Variants in SMAD9 observed in about 807,000 individuals in gnomAD.
The protein encoded by SMAD9 is MAD homolog 9.
SMAD9 carries 36 observed loss-of-function variants against 46.1 expected under a neutral mutation model. That is an observed-to-expected ratio of 0.78 (90% CI 0.60 to 1.03). SMAD9 has a LOEUF of 1.03. Ranked by LOEUF, SMAD9 falls within the 50% of genes least tolerant of loss-of-function variation. The probability of loss-of-function intolerance (pLI) is 0.00; values close to 1 mark genes in which losing one functional copy is unlikely to be tolerated. For synonymous variants in SMAD9, 245 were observed against 237.1 expected, an observed-to-expected ratio of 1.03 and a Z score of -0.31; for missense variants, 572 against 599.8, an observed-to-expected ratio of 0.95 and a Z score of 0.48.
At chr13:36,882,372 A>G (rs2058411921) in intron 1 of SMAD9, among the ~76,000 whole-genome samples, 1 of 152,110 alleles carries the variant, frequency 6.6e-6, no homozygotes, top group East Asian at 1.9e-4. Flanking sequence ...TTTTTCTTCA[A>G]ACTGTCTGTC....
intron 1 of SMAD9, among the ~76,000 whole-genome samples, chr13:36,883,783 A>G (rs924127953): frequency 5.9e-5 from 9 of 152,194 alleles, no homozygotes; most frequent in African/African-American, 1.7e-4. Flanking sequence ...AAATAAAAAT[A>G]TAAACTGTGG....
chr13:36,851,728 T>C (rs1295640572), intron 6 of SMAD9: 8 of 962,036 alleles, frequency 8.3e-6, no homozygotes, highest in African/African-American at 3.5e-5. Context: ...TCTCAAATGT[T>C]AAAAAAAAAT....
Position 36,879,712 on chromosome 13 carries a change from C to A in SMAD9, c.-23G>T. On this transcript the variant is annotated 5_prime_UTR_variant, in exon 2 of 7. Transcript: ENST00000379826. ...CATAAGAGGCCACAGCAGGCTCCGG[C>A]GCGCACGGGAACCGCACAGCCCTTC... 3.1e-6 allele frequency: 5 copies of A among 1,612,856 alleles called. No individual in the cohort carries two copies.
At position 36,916,700 on chromosome 13, in the gene SMAD9, T is replaced by A. The variant is rs112125943; in HGVS notation, c.-187+3416A>T. On this transcript the variant is annotated intron_variant, in intron 1 of 6. Transcript: ENST00000379826. The stretch of plus-strand genomic sequence containing the variant: ...GGATGGTCTGAGGGGAAGAAATAAA[T>A]TAGTCTATGAGTAACTTAATACAAA... Among the ~76,000 whole-genome samples the A allele has an allele frequency of 1.9e-3, 293 of 151,980 alleles. 1 individual carries two copies. Among genetic ancestry groups the A allele is most frequent in the Non-Finnish European group, 3.7e-3 (249 of 67,980 alleles).
Position 36,879,407 on chromosome 13 carries a change from C to T in SMAD9, c.283G>A (p.Val95Met), listed in dbSNP as rs370858678. 3.7e-6 allele frequency: 6 copies of T among 1,613,892 alleles called. No homozygotes were observed. The highest frequency in any genetic ancestry group is 2.2e-5 in the East Asian group (1 of 44,896). ...GACTGCAGATCCGGCCAGCGCCACACGCGACAGTAAATCACATGGGGCAGG... is the reference window on the plus strand; with the variant it reads ...GACTGCAGATCCGGCCAGCGCCACATGCGACAGTAAATCACATGGGGCAGG... Reference protein sequence around the residue: ...KGLPHVIYCRVWRWPDLQSHH... With the variant: ...KGLPHVIYCRMWRWPDLQSHH... Residue 95 changes from valine (V) to methionine (M), a missense_variant, in exon 2 of 7, where the codon GTG (valine) becomes ATG (methionine). By Grantham distance (21) the Val-to-Met change is conservative. Transcript: ENST00000379826.
chr13:36,855,267 A>G (rs1299453220), intron 5 of SMAD9, among the ~76,000 whole-genome samples: 1 of 151,480 alleles, frequency 6.6e-6, no homozygotes, highest in South Asian at 2.1e-4. Flanking sequence ...AAAAAAAAAA[A>G]AAAAAAAAGA....
At chr13:36,852,379 T>C in intron 6 of SMAD9, 1 of 985,170 alleles carries the variant, frequency 1.0e-6, no homozygotes, top group Non-Finnish European at 1.2e-6. Flanking sequence ...TATTTTGAAA[T>C]ACTAGACTCA....
At chr13:36,873,629 G>A (rs767375472) in intron 2 of SMAD9, among the ~76,000 whole-genome samples, 22 of 152,258 alleles carry the variant, frequency 1.4e-4, no homozygotes, top group African/African-American at 2.6e-4. Context: ...TTGAGAGGCC[G>A]AGGCAGCCAG....
intron 3 of SMAD9, among the ~76,000 whole-genome samples, chr13:36,871,696 A>G (rs1345935737): frequency 6.6e-6 from 1 of 152,212 alleles, no homozygotes; most frequent in Non-Finnish European, 1.5e-5. Flanking sequence ...TGCAACAAAT[A>G]TAATAGATGC....
chr13:36,883,807 T>G (rs1475960137), intron 1 of SMAD9, among the ~76,000 whole-genome samples: 1 of 152,182 alleles, frequency 6.6e-6, no homozygotes, highest in Non-Finnish European at 1.5e-5. Context: ...ATTAGGATAA[T>G]TTTCCAAGAT....
At chr13:36,852,213 A>T in intron 6 of SMAD9, 1 of 872,858 alleles carries the variant, frequency 1.1e-6, no homozygotes, top group Non-Finnish European at 1.4e-6. Flanking sequence ...ATAAAAACAT[A>T]ATTTGAGTAT....
rs191371659 is a variant in SMAD9 at position 36,860,122 on chromosome 13, G to A, written c.1003+5415C>T. ...ATGGATTTGCCTTAAATTCTTTCTTGTGAGAGATCTAAGAACCTTCTTTTG... is the reference window on the plus strand; with the variant it reads ...ATGGATTTGCCTTAAATTCTTTCTTATGAGAGATCTAAGAACCTTCTTTTG... On this transcript the variant is annotated intron_variant, in intron 5 of 6. Coordinates refer to ENST00000379826, the MANE Select transcript of SMAD9 (RefSeq NM_001127217.3). Among the ~76,000 whole-genome samples the A allele has an allele frequency of 2.4e-4, 36 of 152,084 alleles. No individual in the cohort carries two copies. The South Asian group carries it at 3.1e-3, about 13-fold the overall frequency.
intron 1 of SMAD9, among the ~76,000 whole-genome samples, chr13:36,909,505 A>G (rs1302067308): frequency 6.6e-6 from 1 of 152,214 alleles, no homozygotes; most frequent in Non-Finnish European, 1.5e-5. Context: ...TAATTTACAC[A>G]CACATATAGT....
At chr13:36,913,908 T>G (rs140620962) in intron 1 of SMAD9, among the ~76,000 whole-genome samples, 1 of 152,248 alleles carries the variant, frequency 6.6e-6, no homozygotes, top group Admixed American at 6.5e-5. Context: ...TAATCACTTA[T>G]GTCATTAATA....
intron 1 of SMAD9, among the ~76,000 whole-genome samples, chr13:36,890,660 T>C (rs2058482197): frequency 6.6e-6 from 1 of 152,184 alleles, no homozygotes; most frequent in Non-Finnish European, 1.5e-5. Flanking sequence ...CATTCAACTT[T>C]CTTCTCATTG....
At chr13:36,869,138 C>T (rs1342287801) in intron 3 of SMAD9, among the ~76,000 whole-genome samples, 1 of 151,942 alleles carries the variant, frequency 6.6e-6, no homozygotes, top group African/African-American at 2.4e-5. Context: ...ATTGTTAAAT[C>T]AGTACGGAGT....
chr13:36,918,983 G>A (rs1412021858), intron 1 of SMAD9, among the ~76,000 whole-genome samples: 1 of 152,104 alleles, frequency 6.6e-6, no homozygotes, highest in African/African-American at 2.4e-5. Context: ...CGAGAAATCT[G>A]GCAAGCCACC....
intron 2 of SMAD9, among the ~76,000 whole-genome samples, chr13:36,873,506 T>A (rs574576478): frequency 1.3e-5 from 2 of 152,150 alleles, no homozygotes; most frequent in East Asian, 1.9e-4. Flanking sequence ...GATTTCAAGG[T>A]GAGTAATTAA....
chr13:36,885,333 C>A (rs1250459302), intron 1 of SMAD9, among the ~76,000 whole-genome samples: 2 of 152,078 alleles, frequency 1.3e-5, no homozygotes, highest in Non-Finnish European at 2.9e-5. Context: ...CATTGGCACA[C>A]ATATATCATG....
Sources: gnomAD v4.1 joint callset for allele counts (sites outside exome capture counted in the v4.1 genomes callset) on GRCh38, gnomAD v4.1.1 for gene constraint, MANE v1.5 for transcripts, NCBI Gene and HGNC (gene_info 2026-07-23, HGNC 2026-07-21) for gene names.